C11orf54: variants seen among roughly 807,000 people sequenced by gnomAD.
C11orf54 encodes the protein beta-keto L-gulonate decarboxylase.
In C11orf54, 29 loss-of-function variants were observed where a neutral mutation model predicts 35.5. The ratio of observed to expected loss-of-function variants is 0.82; its 90% CI spans 0.61 to 1.11. The LOEUF is 1.11. C11orf54 is among the 50% of genes most tolerant of loss of function. The pLI is 0.00. For synonymous variants in C11orf54, 108 were observed against 121.1 expected, an observed-to-expected ratio of 0.89 and a Z score of 0.71; for missense variants, 373 against 369.2, an observed-to-expected ratio of 1.01 and a Z score of -0.08.
intron 5 of C11orf54, 196 bp from the exon 6 acceptor site, chr11:93,755,014 G>A (rs542240426): frequency 1.6e-4 from 81 of 502,876 alleles, no homozygotes; most frequent in African/African-American, 1.5e-3. Context: ...TGGGATTACA[G>A]GCATGAGCCA....
Position 93,741,715 on chromosome 11 carries a change from C to T in C11orf54, c.-111C>T, listed in dbSNP as rs1313821250. The T allele has an allele frequency of 2.8e-6, 1 of 354,138 alleles. No individual in the cohort carries two copies. Among genetic ancestry groups the T allele is most frequent in the Non-Finnish European group, 5.6e-6 (1 of 179,644 alleles). 21.9% of individuals were successfully genotyped at this position (354,138 alleles called of 1,614,324 possible). On this transcript the variant is annotated 5_prime_UTR_variant, in exon 1 of 9. Coordinates refer to ENST00000354421, the MANE Select transcript of C11orf54 (RefSeq NM_001286069.2). ...GATCCGGACTCTGGGTGTTTTGCTA[C>T]CGTGACCGTTTAGGTGAGTGGAATA...
At chr11:93,747,773 A>G (rs1367176544) in intron 2 of C11orf54, among the ~76,000 whole-genome samples, 1 of 152,210 alleles carries the variant, frequency 6.6e-6, no homozygotes, top group Admixed American at 6.6e-5. Context: ...ATGCCCAAAG[A>G]GTCGCAAAAT....
chr11:93,759,874 T>C lies in C11orf54; in HGVS notation c.774+16T>C. The C allele has an allele frequency of 7.1e-7, 1 of 1,404,974 alleles. No individual in the cohort carries two copies. Among genetic ancestry groups the C allele is most frequent in the Non-Finnish European group, 1.0e-6 (1 of 1,002,780 alleles). The allele number at this position is 1,404,974 out of a possible 1,614,324, so 87.0% of individuals were successfully genotyped here. On this transcript the variant is annotated intron_variant, in intron 8 of 8. Transcript: ENST00000354421. ...CAGAGACCCAGTAAGTCTGTGTCTG[T>C]TTTTTATATTATACTACAATGATAA...
chr11:93,742,766 T>G (rs1173319616), intron 1 of C11orf54: 1 of 152,218 alleles, frequency 6.6e-6, no homozygotes, highest in African/African-American at 2.4e-5. Flanking sequence ...GGCAGCCCAC[T>G]GCATTTGATC....
At chr11:93,743,064 G>C (rs1156699960) in intron 1 of C11orf54, among the ~76,000 whole-genome samples, 1 of 150,964 alleles carries the variant, frequency 6.6e-6, no homozygotes, top group Admixed American at 6.6e-5. Flanking sequence ...AGTGTGGCCC[G>C]ATCTCAGCTC....
At chr11:93,747,537 ACT>A in intron 2 of C11orf54, 89 bp downstream of exon 2, 1 of 663,028 alleles carries the variant, frequency 1.5e-6, no homozygotes, top group Non-Finnish European at 2.4e-6. Flanking sequence ...ATATCTTACT[ACT>A]TATGTATATC....
Position 93,762,702 on chromosome 11 carries a change from A to AAG in C11orf54, c.*1015_*1016insGA, listed in dbSNP as rs1943532053. 2.0e-5 allele frequency: 3 copies of AAG among 152,174 alleles called. No homozygotes were observed. Among genetic ancestry groups the AAG allele is most frequent in the Non-Finnish European group, 4.4e-5 (3 of 68,034 alleles). The allele number at this position is 152,174 out of a possible 1,614,324, so 9.4% of individuals were successfully genotyped here. A position where few individuals can be genotyped will look rare whatever the true frequency, so the allele number is the denominator to read the frequency against. On this transcript the variant is annotated 3_prime_UTR_variant, in exon 9 of 9. Transcript: ENST00000354421. ...CTTGTTTCGATTGCCAGTTAGAAGC[A>AAG]ATTTTTATTTCACTGGTTATTTGCA...
At position 93,750,119 on chromosome 11, in the gene C11orf54, C is replaced by A. The variant is rs1942733225; in HGVS notation, c.56-227C>A. ...CACACAAGTGCAGGCTGTTTATCTT[C>A]AACAGTTGAAAATCACTGTAGAGGA... On this transcript the variant is annotated intron_variant, in intron 2 of 8. Coordinates refer to ENST00000354421, the MANE Select transcript of C11orf54 (RefSeq NM_001286069.2). 2.0e-5 allele frequency among the ~76,000 whole-genome samples: 3 copies of A among 152,182 alleles called. No individual in the cohort carries two copies. In the South Asian group the frequency reaches 6.2e-4, roughly 32 times the overall value.
At chr11:93,750,218 C>T (rs1232148234) in intron 2 of C11orf54, 128 bp from the exon 3 acceptor site, 1 of 644,120 alleles carries the variant, frequency 1.6e-6, no homozygotes, top group East Asian at 2.7e-5. Flanking sequence ...TTAATAAGAC[C>T]ATTTCCCCCT....
intron 3 of C11orf54, among the ~76,000 whole-genome samples, chr11:93,752,612 T>C (rs932397751): frequency 2.0e-5 from 3 of 152,168 alleles, no homozygotes; most frequent in African/African-American, 7.2e-5. Flanking sequence ...ATATTGATCT[T>C]TTCCAGAATT....
rs1943205874 is a variant in C11orf54, at chr11:93,757,311, T to C, written c.508-5T>C. 2 of 1,597,366 alleles carry C rather than the reference T, an allele frequency of 1.3e-6. No homozygotes were observed. Among genetic ancestry groups the C allele is most frequent in the African/African-American group, 1.3e-5 (1 of 74,884 alleles). ...CAATGGTATGCATCTTTATGTCCTC[T>C]ATAGGTAATTGAGGTGAAAGCCAAA... On this transcript the variant is annotated splice_region_variant and splice_polypyrimidine_tract_variant and intron_variant, in intron 6 of 8. Coordinates refer to ENST00000354421, the MANE Select transcript of C11orf54 (RefSeq NM_001286069.2).
intron 6 of C11orf54, among the ~76,000 whole-genome samples, chr11:93,756,358 T>C (rs1223110776): frequency 6.7e-6 from 1 of 149,074 alleles, no homozygotes; most frequent in Non-Finnish European, 1.5e-5. Flanking sequence ...CCAGGTGTGG[T>C]GGTACATGCC....
intron 1 of C11orf54, chr11:93,742,942 C>T (rs1942204579): frequency 6.6e-6 from 1 of 152,156 alleles, no homozygotes; most frequent in Non-Finnish European, 1.5e-5. Flanking sequence ...AGGGAAGGAA[C>T]ATTTAACTCC....
At position 93,762,995 on chromosome 11, in the gene C11orf54, C is replaced by T. The variant is rs1943541579; in HGVS notation, c.*1307C>T. On this transcript the variant is annotated 3_prime_UTR_variant, in exon 9 of 9. Transcript: ENST00000354421. ...TCAAATAATATTTTTTAATTGTCTA[C>T]TTTGGATGTTAGCTATGTCTTGTGA... The T allele has an allele frequency of 6.6e-6, 1 of 152,158 alleles. No homozygotes were observed. The highest frequency in any genetic ancestry group is 1.5e-5 in the Non-Finnish European group (1 of 68,036). 9.4% of individuals were successfully genotyped at this position (152,158 alleles called of 1,614,324 possible).
chr11:93,743,073 T>C (rs1040608012), intron 1 of C11orf54, among the ~76,000 whole-genome samples: 17 of 151,662 alleles, frequency 1.1e-4, no homozygotes, highest in Non-Finnish European at 1.8e-4. Context: ...CGATCTCAGC[T>C]CACTGCAACC....
chr11:93,744,433 C>G (rs1387113709), intron 1 of C11orf54, among the ~76,000 whole-genome samples: 1 of 152,140 alleles, frequency 6.6e-6, no homozygotes, highest in African/African-American at 2.4e-5. Flanking sequence ...TGTTCTTATT[C>G]CTACTGCCAG....
At chr11:93,756,872 T>C (rs1591360779) in intron 6 of C11orf54, among the ~76,000 whole-genome samples, 2 of 152,218 alleles carry the variant, frequency 1.3e-5, no homozygotes, top group South Asian at 4.2e-4. Flanking sequence ...ATACTTAACG[T>C]CCAAGTTGTG....
At position 93,755,251 on chromosome 11, in the gene C11orf54, T is replaced by A. The variant is rs1943072270; in HGVS notation, c.372T>A (p.Pro124=). ...VIQTESEHKP[P]VNGSYFAHVN... ...AGACAGAAAGTGAACACAAGCCTCC[T>A]GTAAATGGAAGTTACTTTGCCCATG... Residue 124 remains proline (P), a synonymous_variant, in exon 6 of 9, where the codon CCT becomes CCA. Transcript: ENST00000354421. The A allele has an allele frequency of 6.2e-7, 1 of 1,614,038 alleles. No individual in the cohort carries two copies. The highest frequency in any genetic ancestry group is 8.5e-7 in the Non-Finnish European group (1 of 1,180,026).
In C11orf54 at chr11:93,764,405, G is replaced by A. The variant is rs1439174730; in HGVS notation, c.*2717G>A. 1 of 152,142 alleles carries A rather than the reference G, an allele frequency of 6.6e-6. No homozygotes were observed. The highest frequency in any genetic ancestry group is 1.5e-5 in the Non-Finnish European group (1 of 68,040). The allele number at this position is 152,142 out of a possible 1,614,324, so 9.4% of individuals were successfully genotyped here. A position where few individuals can be genotyped will look rare whatever the true frequency, so the allele number is the denominator to read the frequency against. On this transcript the variant is annotated 3_prime_UTR_variant, in exon 9 of 9. Transcript: ENST00000354421. ...GCAGGTACACATGACCTTCCAAGGGGTGTGGGAATATTAGAACATCTATTT... is the reference window on the plus strand; with the variant it reads ...GCAGGTACACATGACCTTCCAAGGGATGTGGGAATATTAGAACATCTATTT...
Sources: gnomAD v4.1 joint callset for allele counts (sites outside exome capture counted in the v4.1 genomes callset) on GRCh38, gnomAD v4.1.1 for gene constraint, MANE v1.5 for transcripts, NCBI Gene and HGNC (gene_info 2026-07-23, HGNC 2026-07-21) for gene names.